PACRG: variants seen among roughly 807,000 people sequenced by gnomAD.
The protein encoded by PACRG is parkin coregulated gene protein.
A neutral mutation model predicts 29.7 loss-of-function variants in PACRG; 29 were observed. The ratio of observed to expected loss-of-function variants is 0.98; its 90% confidence interval spans 0.73 to 1.33. PACRG has a LOEUF of 1.33. PACRG is among the 40% of genes most tolerant of loss of function. The pLI is 0.00. For synonymous variants in PACRG, 116 were observed against 118.7 expected (o/e 0.98, Z 0.15); for missense variants, 279 against 316.2 (o/e 0.88, Z 0.89).
intron 1 of PACRG, among the ~76,000 whole-genome samples, chr6:162,734,623 A>G (rs1423950590): frequency 6.6e-6 from 1 of 152,154 alleles, no homozygotes; most frequent in Non-Finnish European, 1.5e-5. Context: ...TGGCTTTTCC[A>G]ACCAATCTTA....
chr6:163,049,510 A>G (rs572698393), intron 2 of PACRG, among the ~76,000 whole-genome samples: 10 of 152,198 alleles, frequency 6.6e-5, no homozygotes, highest in African/African-American at 2.4e-4. Flanking sequence ...ACGAATTCAA[A>G]AACATTTTTA....
chr6:163,056,702 G>A (rs559371748), intron 2 of PACRG, among the ~76,000 whole-genome samples: 79 of 152,242 alleles, frequency 5.2e-4, no homozygotes, highest in Non-Finnish European at 9.4e-4. Context: ...GCTCTTATAC[G>A]AGGAGGAATA....
In PACRG at chr6:162,785,709, G is replaced by A. The variant is rs1387539062; in HGVS notation, c.157-28438G>A. Among the ~76,000 whole-genome samples the A allele has an allele frequency of 7.2e-5, 11 of 152,308 alleles. No homozygotes were observed. The South Asian group carries it at 8.3e-4, about 11-fold the overall frequency. ...ATGTGCAGTTTACAATGGGCTGTGC[G>A]TTCCTAAGAGAATCTAATGCTACCA... is the stretch of plus-strand genomic sequence containing the variant. On this transcript the variant is annotated intron_variant, in intron 1 of 4. Coordinates refer to ENST00000366888, the MANE Select transcript of PACRG (RefSeq NM_001080379.2).
In PACRG at chr6:162,909,803, C is replaced by T. The variant is rs1796185027; in HGVS notation, c.291+95522C>T. On this transcript the variant is annotated intron_variant, in intron 2 of 4. Coordinates refer to ENST00000366888, the MANE Select transcript of PACRG (RefSeq NM_001080379.2). Reference sequence around the variant, plus strand: ...ATCTGAATTATCCTCCATGAATTATCCCCCAATACCTGGTACAGTGATTGG... The same window carrying T: ...ATCTGAATTATCCTCCATGAATTATTCCCCAATACCTGGTACAGTGATTGG... Among the ~76,000 whole-genome samples, 3 of 152,232 alleles carry T rather than the reference C, an allele frequency of 2.0e-5. No individual in the cohort carries two copies. The South Asian group carries it at 6.2e-4, about 32-fold the overall frequency.
chr6:162,966,252 G>C (rs1017028066), intron 2 of PACRG, among the ~76,000 whole-genome samples: 6 of 152,212 alleles, frequency 3.9e-5, no homozygotes, highest in Non-Finnish European at 8.8e-5. Context: ...AGTAGGTTCA[G>C]CGCCACCTTG....
In PACRG at chr6:163,134,831, A is replaced by G. The variant is rs939472706; in HGVS notation, c.613+45423A>G. Among the ~76,000 whole-genome samples the G allele has an allele frequency of 1.4e-4, 22 of 152,168 alleles. 1 individual carries two copies. The highest frequency in any genetic ancestry group is 5.3e-4 in the African/African-American group (22 of 41,428). On this transcript the variant is annotated intron_variant, in intron 4 of 4. Coordinates refer to ENST00000366888, the MANE Select transcript of PACRG (RefSeq NM_001080379.2). ...CTGATCTATGAATCCCTGTGTACCT[A>G]CCAATCAACTTTATCAAATCTCAAC... is the stretch of plus-strand genomic sequence containing the variant.
chr6:163,042,756 G>A (rs1206090056), intron 2 of PACRG: 4 of 151,318 alleles, frequency 2.6e-5, no homozygotes, highest in South Asian at 2.1e-4. Flanking sequence ...AGTGGCCTAC[G>A]GGTAAACTAT....
chr6:162,819,523 A>G (rs983225613), intron 2 of PACRG, among the ~76,000 whole-genome samples: 24 of 152,320 alleles, frequency 1.6e-4, no homozygotes, highest in African/African-American at 5.1e-4. Flanking sequence ...TGAAAACCAT[A>G]GGGACCCAAA....
At chr6:162,730,884 A>G (rs952458542) in intron 1 of PACRG, among the ~76,000 whole-genome samples, 1 of 152,166 alleles carries the variant, frequency 6.6e-6, no homozygotes, top group Non-Finnish European at 1.5e-5. Flanking sequence ...ATTTTCCTTT[A>G]AAAGTCTTGT....
At chr6:162,937,688 G>C (rs1008162287) in intron 2 of PACRG, among the ~76,000 whole-genome samples, 2 of 152,062 alleles carry the variant, frequency 1.3e-5, no homozygotes, top group Non-Finnish European at 2.9e-5. Flanking sequence ...GTAATGTAAG[G>C]CTTGTGGGTA....
intron 4 of PACRG, chr6:163,191,961 T>C (rs377477972): frequency 1.5e-5 from 5 of 328,854 alleles, no homozygotes; most frequent in Non-Finnish European, 2.4e-5. Context: ...AGCGGTGCTA[T>C]CTACGGGGAA....
intron 2 of PACRG, among the ~76,000 whole-genome samples, chr6:163,061,675 C>T (rs766101961): frequency 6.6e-6 from 1 of 152,146 alleles, no homozygotes; most frequent in Non-Finnish European, 1.5e-5. Flanking sequence ...TCCTGTTTGC[C>T]CCAAAGAAGG....
At position 162,728,346 on chromosome 6, in the gene PACRG, G is replaced by C. The variant is rs572641059; in HGVS notation, c.111G>C (p.Leu37=). 9.9e-6 allele frequency: 16 copies of C among 1,613,764 alleles called. No homozygotes were observed. In the South Asian group the frequency reaches 1.4e-4, roughly 14 times the overall value. Residue 37 remains leucine, a synonymous_variant, in exon 1 of 5, where the codon CTG becomes CTC. Coordinates refer to ENST00000366888, the MANE Select transcript of PACRG (RefSeq NM_001080379.2). ...QPLPVHQPHS[L]VSEGFTVKAM... is the part of the protein sequence containing the mutation. ...TCCCGGTGCACCAGCCTCACTCTCTGGTTTCTGAGGGTTTCACAGTCAAAG... is the reference window on the plus strand; with the variant it reads ...TCCCGGTGCACCAGCCTCACTCTCTCGTTTCTGAGGGTTTCACAGTCAAAG...
intron 2 of PACRG, among the ~76,000 whole-genome samples, chr6:162,925,909 A>G (rs1339262080): frequency 6.6e-6 from 1 of 152,108 alleles, no homozygotes. Flanking sequence ...AGAAAACCCC[A>G]CCATCTCAGC....
chr6:162,912,125 C>T (rs902937496), intron 2 of PACRG, among the ~76,000 whole-genome samples: 4 of 152,208 alleles, frequency 2.6e-5, no homozygotes, highest in African/African-American at 9.6e-5. Flanking sequence ...TGTCCAGCCA[C>T]AAGGTCAATC....
intron 3 of PACRG, among the ~76,000 whole-genome samples, chr6:163,081,744 A>C (rs1013620891): frequency 1.3e-5 from 2 of 152,170 alleles, no homozygotes; most frequent in Admixed American, 6.5e-5. Flanking sequence ...TGACAGAGTA[A>C]AACCCTGTCT....
Position 163,026,738 on chromosome 6 carries a change from G to A in PACRG, c.292-35412G>A, listed in dbSNP as rs1028604741. Among the ~76,000 whole-genome samples the A allele has an allele frequency of 2.0e-5, 3 of 152,226 alleles. No individual in the cohort carries two copies. The South Asian group carries it at 6.2e-4, about 32-fold the overall frequency. ...GCCAAGAGCATCTAGTTTGTGGCAC[G>A]TGGGAGCACTTAGCAAATATTTTGT... On this transcript the variant is annotated intron_variant, in intron 2 of 4. Coordinates refer to ENST00000366888, the MANE Select transcript of PACRG (RefSeq NM_001080379.2).
chr6:163,179,521 T>G (rs1408551917), intron 4 of PACRG: 2 of 248,488 alleles, frequency 8.0e-6, no homozygotes, highest in Non-Finnish European at 1.6e-5. Flanking sequence ...CTGGGCAACA[T>G]GGTGAAACCC....
rs138111062 is a variant in PACRG at position 163,308,441 on chromosome 6, G to A, written c.614-6386G>A. On this transcript the variant is annotated intron_variant, in intron 4 of 4. Transcript: ENST00000366888. ...AGCACTTTGGGAGGCCAAGGCGAGC[G>A]GATCACTTGAGGCCAGGAGTTCGAG... Among the ~76,000 whole-genome samples, 1,520 of 152,236 alleles carry A rather than the reference G, an allele frequency of 1.0e-2. 26 individuals carry two copies. Among genetic ancestry groups the A allele is most frequent in the African/African-American group, 0.034 (1,412 of 41,550 alleles).
Sources: gnomAD v4.1 joint callset for allele counts (sites outside exome capture counted in the v4.1 genomes callset) on GRCh38, gnomAD v4.1.1 for gene constraint, MANE v1.5 for transcripts, NCBI Gene and HGNC (gene_info 2026-07-23, HGNC 2026-07-21) for gene names.